GNAI2: variants seen among roughly 807,000 people sequenced by gnomAD.
The protein encoded by GNAI2 is guanine nucleotide-binding protein G(i) subunit alpha-2.
GNAI2 carries 4 observed loss-of-function variants against 36.8 expected under a neutral mutation model. That is an observed-to-expected ratio of 0.11 (90% CI 0.05 to 0.25). The LOEUF (loss-of-function observed/expected upper bound fraction) is 0.25. Ranked by LOEUF, GNAI2 falls within the 10% of genes least tolerant of loss-of-function variation. The pLI is 1.00. For synonymous variants in GNAI2, 194 were observed against 194.1 expected (o/e 1.00, Z 0.01); for missense variants, 230 against 481.3 (o/e 0.48, Z 4.89).
chr3:50,246,805 C>T (rs1700434893), intron 1 of GNAI2: 6 of 876,272 alleles, frequency 6.8e-6, no homozygotes, highest in South Asian at 2.0e-5. Context: ...CAGTGAGGCT[C>T]CTGGGCAGGA....
In GNAI2 at chr3:50,257,561, G is replaced by GACA; in HGVS notation, c.939_940insACA (p.Lys313_Arg314insThr). The GACA allele has an allele frequency of 6.8e-7, 1 of 1,474,368 alleles. No homozygotes were observed. The highest frequency in any genetic ancestry group is 1.3e-5 in the South Asian group (1 of 78,908). 91.3% of individuals were successfully genotyped at this position (1,474,368 alleles called of 1,614,324 possible). A position where few individuals can be genotyped will look rare whatever the true frequency, so the allele number is the denominator to read the frequency against. ...AGAGTAAGTTTGAGGACCTGAATAA[G>GACA]CGCAAAGACACCAAGGAGATCTACA... On this transcript the variant is annotated inframe_insertion, in exon 8 of 9. Coordinates refer to ENST00000313601, the MANE Select transcript of GNAI2 (RefSeq NM_002070.4).
Position 50,238,041 on chromosome 3 carries a change from G to C in GNAI2, c.118+1588G>C, listed in dbSNP as rs1046263371. ...CTGCTGCCTCAGGGAGGAAGAGAAG[G>C]GGCGGGAAGGGGCGGCGGCCCAGCC... On this transcript the variant is annotated intron_variant, in intron 1 of 8. Transcript: ENST00000313601. The surrounding 1 kb of genome is among the most constrained non-coding windows in gnomAD (Gnocchi z 5.0). 2.0e-5 allele frequency: 3 copies of C among 152,290 alleles called. No homozygotes were observed. Among genetic ancestry groups the C allele is most frequent in the Non-Finnish European group, 4.4e-5 (3 of 68,070 alleles). 9.4% of individuals were successfully genotyped at this position (152,290 alleles called of 1,614,324 possible).
At chr3:50,256,134 G>T in intron 4 of GNAI2, 58 bp from the exon 5 acceptor site, 1 of 974,230 alleles carries the variant, frequency 1.0e-6, no homozygotes. Context: ...CTGGCCCAGG[G>T]TCCAGCTAAG....
intron 1 of GNAI2, among the ~76,000 whole-genome samples, chr3:50,247,952 A>T (rs1700460995): frequency 6.6e-6 from 1 of 152,192 alleles, no homozygotes; most frequent in African/African-American, 2.4e-5. Context: ...ATCTGGACTC[A>T]GGCTGGACGC....
At chr3:50,227,578 C>A (rs1037177394), upstream of GNAI2, 1 of 163,632 alleles carries the variant, frequency 6.1e-6, no homozygotes, top group African/African-American at 2.4e-5. The surrounding 1 kb of genome is among the most constrained non-coding windows in gnomAD (Gnocchi z 5.9). Context: ...AGAGAGGCCC[C>A]GGAAGAGGCG....
At chr3:50,236,174 G>T, upstream of GNAI2, 5 of 1,169,670 alleles carry the variant, frequency 4.3e-6, no homozygotes, top group Non-Finnish European at 5.3e-6. This position sits in a 1 kb window ranked among gnomAD's most constrained non-coding sequence, Gnocchi z 4.0. Flanking sequence ...CCCGCCGTCG[G>T]TGCGCGGCGG....
chr3:50,245,441 A>G (rs1470678490), intron 1 of GNAI2, among the ~76,000 whole-genome samples: 1 of 152,238 alleles, frequency 6.6e-6, no homozygotes, highest in African/African-American at 2.4e-5. Context: ...CTCAAGGGGT[A>G]CATTTCATAG....
rs1700162933 is a variant in GNAI2, at chr3:50,236,230, G to T, written c.-106G>T. On this transcript the variant is annotated 5_prime_UTR_variant, in exon 1 of 9. Coordinates refer to ENST00000313601, the MANE Select transcript of GNAI2 (RefSeq NM_002070.4). The surrounding 1 kb of genome is among the most constrained non-coding windows in gnomAD (Gnocchi z 4.0). ...GTCGCTCGGAACTGCCGACCCGAGT[G>T]CTTCCCGCAGAGGGCTGGTGGTGGG... 2 of 1,191,526 alleles carry T rather than the reference G, an allele frequency of 1.7e-6. No individual in the cohort carries two copies. Among genetic ancestry groups the T allele is most frequent in the East Asian group, 7.4e-5 (2 of 26,894 alleles). 73.8% of individuals were successfully genotyped at this position (1,191,526 alleles called of 1,614,324 possible).
intron 1 of GNAI2, chr3:50,251,569 G>A: frequency 8.3e-7 from 1 of 1,207,716 alleles, no homozygotes; most frequent in Non-Finnish European, 1.1e-6. Context: ...AGAGGGCGGG[G>A]CATTGGGCCA....
At position 50,236,243 on chromosome 3, in the gene GNAI2, G is replaced by A. The variant is rs1700163639; in HGVS notation, c.-93G>A. ...GCCGACCCGAGTGCTTCCCGCAGAG[G>A]GCTGGTGGTGGGAGCGGAGTGGGTC... On this transcript the variant is annotated 5_prime_UTR_variant, in exon 1 of 9. Transcript: ENST00000313601. This position sits in a 1 kb window ranked among gnomAD's most constrained non-coding sequence, Gnocchi z 4.0. The A allele has an allele frequency of 8.3e-7, 1 of 1,201,262 alleles. No individual in the cohort carries two copies. Among genetic ancestry groups the A allele is most frequent in the Non-Finnish European group, 1.0e-6 (1 of 967,864 alleles). 74.4% of individuals were successfully genotyped at this position (1,201,262 alleles called of 1,614,324 possible). A position where few individuals can be genotyped will look rare whatever the true frequency, so the allele number is the denominator to read the frequency against.
upstream of GNAI2, among the ~76,000 whole-genome samples, chr3:50,234,552 A>G (rs1451560735): frequency 2.6e-5 from 4 of 151,974 alleles, no homozygotes; most frequent in East Asian, 7.7e-4. Flanking sequence ...GGGTTTCTCC[A>G]TGTTGGTCAG....
chr3:50,231,286 T>C (rs1238073543), upstream of GNAI2, among the ~76,000 whole-genome samples: 1 of 152,142 alleles, frequency 6.6e-6, no homozygotes, highest in African/African-American at 2.4e-5. Flanking sequence ...GATGGATTGA[T>C]TGATTGATTT....
chr3:50,227,514 C>A (rs1465185381), upstream of GNAI2: 1 of 216,294 alleles, frequency 4.6e-6, no homozygotes, highest in East Asian at 8.6e-5. This position sits in a 1 kb window ranked among gnomAD's most constrained non-coding sequence, Gnocchi z 5.9. Context: ...GGCGCCGCTG[C>A]CCCGCGAAGC....
At chr3:50,247,098 T>C (rs1553701857) in intron 1 of GNAI2, 1 of 721,428 alleles carries the variant, frequency 1.4e-6, no homozygotes, top group Non-Finnish European at 2.5e-6. Flanking sequence ...CTGTACTCTT[T>C]CAAAGGGTAG....
Position 50,257,014 on chromosome 3 carries a change from C to T in GNAI2, c.801C>T (p.Leu267=), listed in dbSNP as rs782641264. ...NKWFTDTSII[L]FLNKKDLFEE... is the part of the protein sequence containing the mutation. The stretch of plus-strand genomic sequence containing the variant: ...GGTTCACAGACACGTCCATCATCCT[C>T]TTCCTCAACAAGAAGGACCTGTTTG... The change falls in exon 7 of 9, where the codon CTC becomes CTT. Residue 267 remains leucine, a synonymous_variant. Coordinates refer to ENST00000313601, the MANE Select transcript of GNAI2 (RefSeq NM_002070.4). The T allele has an allele frequency of 5.0e-6, 8 of 1,613,916 alleles. No individual in the cohort carries two copies. The South Asian group carries it at 8.8e-5, about 18-fold the overall frequency.
chr3:50,257,912 T>C lies in GNAI2; in HGVS notation c.*24+198T>C, dbSNP rs949470583. On this transcript the variant is annotated intron_variant, in intron 8 of 8. Transcript: ENST00000313601. ...GAGGTGCAGGGCATGGAGGAGGTCA[T>C]ACAAGCAGGCCTGGCCCAGTGGTCC... The C allele has an allele frequency of 4.8e-5, 23 of 482,216 alleles. No individual in the cohort carries two copies. In the South Asian group the frequency reaches 8.5e-4, roughly 18 times the overall value. 29.9% of individuals were successfully genotyped at this position (482,216 alleles called of 1,614,324 possible). A position where few individuals can be genotyped will look rare whatever the true frequency, so the allele number is the denominator to read the frequency against.
At position 50,236,911 on chromosome 3, in the gene GNAI2, A is replaced by C. The variant is rs1700185840; in HGVS notation, c.118+458A>C. Reference sequence around the variant, plus strand: ...GGGGCCCCTGCCAGGCCCCCCACCCACTCCCTCCTTCTCCTTCTGTGCCCC... The same window carrying C: ...GGGGCCCCTGCCAGGCCCCCCACCCCCTCCCTCCTTCTCCTTCTGTGCCCC... On this transcript the variant is annotated intron_variant, in intron 1 of 8. Transcript: ENST00000313601. This position sits in a 1 kb window ranked among gnomAD's most constrained non-coding sequence, Gnocchi z 4.0. Among the ~76,000 whole-genome samples the C allele has an allele frequency of 2.0e-5, 3 of 146,770 alleles. No individual in the cohort carries two copies. The highest frequency in any genetic ancestry group is 5.1e-5 in the African/African-American group (2 of 39,254).
At chr3:50,227,165 A>G (rs1699989387), upstream of GNAI2, 7 of 1,447,440 alleles carry the variant, frequency 4.8e-6, no homozygotes, top group Admixed American at 2.5e-5. This position sits in a 1 kb window ranked among gnomAD's most constrained non-coding sequence, Gnocchi z 5.9. Flanking sequence ...CGAAGCAGAA[A>G]GGCGGGTGTC....
At chr3:50,227,259 G>A (rs1256592515), upstream of GNAI2, 8 of 920,250 alleles carry the variant, frequency 8.7e-6, no homozygotes, top group African/African-American at 1.7e-5. The surrounding 1 kb of genome is among the most constrained non-coding windows in gnomAD (Gnocchi z 5.9). Flanking sequence ...GGGCAAGGGG[G>A]ATGGGGTGCC....
Sources: gnomAD v4.1 joint callset for allele counts (sites outside exome capture counted in the v4.1 genomes callset) on GRCh38, gnomAD v4.1.1 for gene constraint, Gnocchi (gnomAD v3.1) non-coding constraint, MANE v1.5 for transcripts, NCBI Gene and HGNC (gene_info 2026-07-23, HGNC 2026-07-21) for gene names.